EML5: variants seen among roughly 807,000 people sequenced by gnomAD.
EML5 encodes the protein echinoderm microtubule-associated protein-like 5.
Under a neutral mutation model 250.0 loss-of-function variants are expected in EML5, and 120 were observed. The ratio of observed to expected loss-of-function variants is 0.48; its 90% CI spans 0.41 to 0.56. EML5 has a LOEUF of 0.56. Ranked by LOEUF, EML5 falls within the 20% of genes least tolerant of loss-of-function variation. The pLI is 0.00. For missense variants in EML5, 2,006 were observed against 2,437.6 expected (o/e 0.82, Z 3.73); for synonymous variants, 771 against 806.5 (o/e 0.96, Z 0.75).
chr14:88,728,234 A>T (rs1190358286), intron 7 of EML5, among the ~76,000 whole-genome samples: 1 of 151,812 alleles, frequency 6.6e-6, no homozygotes, highest in Non-Finnish European at 1.5e-5. Context: ...TAAACAATAT[A>T]GTATAACAAC....
chr14:88,693,784 T>C (rs1455043706), intron 17 of EML5, among the ~76,000 whole-genome samples: 1 of 146,162 alleles, frequency 6.8e-6, no homozygotes, highest in Non-Finnish European at 1.5e-5. Flanking sequence ...TTTTTTTTTT[T>C]TTTTCGAGAC....
At chr14:88,677,078 T>C (rs932676915) in intron 21 of EML5, among the ~76,000 whole-genome samples, 2 of 152,256 alleles carry the variant, frequency 1.3e-5, no homozygotes, top group South Asian at 4.2e-4. Flanking sequence ...TTAATTTTTG[T>C]ATTTTTAGTA....
chr14:88,715,813 C>A (rs1192253984), intron 8 of EML5, among the ~76,000 whole-genome samples: 1 of 152,032 alleles, frequency 6.6e-6, no homozygotes, highest in African/African-American at 2.4e-5. Context: ...CAGGTGCACA[C>A]CACCATACCC....
chr14:88,792,859 C>A lies in EML5; in HGVS notation c.-356G>T. 1 of 524,010 alleles carries A rather than the reference C, an allele frequency of 1.9e-6. No homozygotes were observed. Among genetic ancestry groups the A allele is most frequent in the Non-Finnish European group, 2.5e-6 (1 of 407,436 alleles). 32.5% of individuals were successfully genotyped at this position (524,010 alleles called of 1,614,324 possible). On this transcript the variant is annotated 5_prime_UTR_variant, in exon 1 of 44. Coordinates refer to ENST00000554922, the MANE Select transcript of EML5 (RefSeq NM_183387.3). The surrounding 1 kb of genome is among the most constrained non-coding windows in gnomAD (Gnocchi z 6.9). ...CAGCCGCCGCCCGCGCACGCAGCTC[C>A]CAGCCCCGGTCACCTGCGGCGCTCG...
At chr14:88,679,101 C>T (rs1015800928) in intron 21 of EML5, among the ~76,000 whole-genome samples, 8 of 150,838 alleles carry the variant, frequency 5.3e-5, no homozygotes, top group African/African-American at 1.2e-4. Context: ...GTCTGTGTTC[C>T]TATATCTTCA....
At chr14:88,759,113 G>A (rs1478646964) in intron 1 of EML5, among the ~76,000 whole-genome samples, 2 of 152,024 alleles carry the variant, frequency 1.3e-5, no homozygotes, top group Non-Finnish European at 2.9e-5. Context: ...AAAAATCACT[G>A]AATTGTGCAC....
intron 1 of EML5, among the ~76,000 whole-genome samples, chr14:88,782,163 A>G (rs2896075): frequency 0.18 from 26,809 of 152,198 alleles, 2,918 homozygotes; most frequent in East Asian, 0.47. Flanking sequence ...AGGTGGTCTC[A>G]GATGGAGAAG....
At chr14:88,638,424 C>T (rs543599453) in intron 32 of EML5, among the ~76,000 whole-genome samples, 63 of 152,336 alleles carry the variant, frequency 4.1e-4, no homozygotes, top group African/African-American at 1.5e-3. Context: ...AAGCAGGGTT[C>T]TACCCCGCCC....
chr14:88,757,441 A>G (rs2094175985), intron 1 of EML5, among the ~76,000 whole-genome samples: 1 of 150,698 alleles, frequency 6.6e-6, no homozygotes, highest in Non-Finnish European at 1.5e-5. Context: ...ACAAAGCATT[A>G]GTGACAAAAA....
chr14:88,723,891 C>T (rs1037529218), intron 8 of EML5, among the ~76,000 whole-genome samples: 2 of 152,120 alleles, frequency 1.3e-5, no homozygotes, highest in Non-Finnish European at 2.9e-5. Context: ...ACCTTATATA[C>T]TAATTTAAGA....
rs1274368398 is a variant in EML5, at chr14:88,792,511, C to T, written c.-8G>A. 5 of 1,344,698 alleles carry T rather than the reference C, an allele frequency of 3.7e-6. No individual in the cohort carries two copies. In the Admixed American group the frequency reaches 1.1e-4, roughly 30 times the overall value. The allele number at this position is 1,344,698 out of a possible 1,614,324, so 83.3% of individuals were successfully genotyped here. On this transcript the variant is annotated 5_prime_UTR_variant, in exon 1 of 44. Coordinates refer to ENST00000554922, the MANE Select transcript of EML5 (RefSeq NM_183387.3). The surrounding 1 kb of genome is among the most constrained non-coding windows in gnomAD (Gnocchi z 6.9). ...GGCGCTCCGGGCCGCCATGTCGGGG[C>T]GCCCACCCGCCGCTCCCGCTCGGGC...
chr14:88,678,799 C>T (rs983072487), intron 21 of EML5, among the ~76,000 whole-genome samples: 4 of 152,132 alleles, frequency 2.6e-5, no homozygotes, highest in Admixed American at 2.6e-4. Flanking sequence ...AGCTTGAAGA[C>T]TTTTTGAACA....
intron 34 of EML5, 134 bp downstream of exon 34, chr14:88,627,512 T>G (rs903308190): frequency 1.3e-6 from 1 of 793,316 alleles, no homozygotes; most frequent in Non-Finnish European, 1.9e-6. Flanking sequence ...AGTACCACTG[T>G]GTACAGTATA....
chr14:88,756,981 T>G (rs1305266258), intron 1 of EML5, among the ~76,000 whole-genome samples: 1 of 152,192 alleles, frequency 6.6e-6, no homozygotes, highest in Non-Finnish European at 1.5e-5. Flanking sequence ...AAGCTGATTC[T>G]AAAATCCAGA....
At chr14:88,690,789 G>A (rs1453291700) in intron 17 of EML5, among the ~76,000 whole-genome samples, 1 of 152,184 alleles carries the variant, frequency 6.6e-6, no homozygotes, top group East Asian at 1.9e-4. Context: ...AAGAGTTAGA[G>A]TGATGTCCTT....
At position 88,705,481 on chromosome 14, in the gene EML5, C is replaced by G; in HGVS notation, c.1932+1G>C. 1 of 1,591,014 alleles carries G rather than the reference C, an allele frequency of 6.3e-7. No individual in the cohort carries two copies. The highest frequency in any genetic ancestry group is 8.6e-7 in the Non-Finnish European group (1 of 1,166,204). ...AAAAACCATGTGATATGGAAAATTA[C>G]CTGTCGACGGTAGGTGAGCTGTGTC... On this transcript the variant is annotated splice_donor_variant, in intron 12 of 43. Coordinates refer to ENST00000554922, the MANE Select transcript of EML5 (RefSeq NM_183387.3). LOFTEE classifies it high-confidence loss of function.
chr14:88,754,112 C>T (rs562435640), intron 2 of EML5, among the ~76,000 whole-genome samples: 59 of 152,114 alleles, frequency 3.9e-4, no homozygotes, highest in African/African-American at 9.4e-4. Context: ...GGCAGCAGAG[C>T]GTGACCCTGT....
intron 8 of EML5, among the ~76,000 whole-genome samples, chr14:88,716,326 A>G (rs1013528580): frequency 6.6e-6 from 1 of 152,168 alleles, no homozygotes; most frequent in Non-Finnish European, 1.5e-5. Context: ...TCCCTGGTCA[A>G]CATCACTTCT....
chr14:88,762,443 G>A lies in EML5; in HGVS notation c.198-7772C>T, dbSNP rs562660620. Among the ~76,000 whole-genome samples, 31 of 152,158 alleles carry A rather than the reference G, an allele frequency of 2.0e-4. No homozygotes were observed. The East Asian group carries it at 5.6e-3, about 28-fold the overall frequency. The stretch of plus-strand genomic sequence containing the variant: ...GAGAATCACTTGAACCCGGGAGGCA[G>A]AGGTTGCAGTGAGCTGAGATCATGC... On this transcript the variant is annotated intron_variant, in intron 1 of 43. Coordinates refer to ENST00000554922, the MANE Select transcript of EML5 (RefSeq NM_183387.3).
Sources: allele counts gnomAD v4.1 joint callset (sites outside exome capture counted in the v4.1 genomes callset), GRCh38; gene constraint gnomAD v4.1.1; non-coding constraint Gnocchi (gnomAD v3.1); transcripts MANE v1.5; gene names NCBI Gene and HGNC (gene_info 2026-07-23, HGNC 2026-07-21).